The following CCSER1 variants were observed in gnomAD, a reference collection of about 807,000 sequenced individuals.
CCSER1 encodes serine-rich coiled-coil domain-containing protein 1.
In CCSER1, 41 loss-of-function variants were observed where a neutral mutation model predicts 82.0. The observed-to-expected ratio is 0.50, with a 90% CI of 0.39 to 0.65. The LOEUF is 0.65. Ranked by LOEUF, CCSER1 falls within the 30% of genes least tolerant of loss-of-function variation. CCSER1 has a pLI of 0.00. For synonymous variants in CCSER1, 414 were observed against 383.9 expected (o/e 1.08, Z -0.92); for missense variants, 1,119 against 1,064.2 (o/e 1.05, Z -0.72).
intron 5 of CCSER1, among the ~76,000 whole-genome samples, chr4:90,571,866 T>G (rs1780156214): frequency 2.0e-5 from 3 of 152,198 alleles, no homozygotes; most frequent in Non-Finnish European, 2.9e-5. Context: ...TAACTATTAT[T>G]TTTAATGGTT....
intron 10 of CCSER1, among the ~76,000 whole-genome samples, chr4:91,578,623 A>G (rs918754783): frequency 3.3e-5 from 5 of 151,990 alleles, no homozygotes; most frequent in African/African-American, 1.2e-4. Flanking sequence ...AAATGAGTCA[A>G]GTGAATGATA....
chr4:91,172,043 C>A (rs1387973711), intron 10 of CCSER1, among the ~76,000 whole-genome samples: 1 of 152,086 alleles, frequency 6.6e-6, no homozygotes, highest in East Asian at 1.9e-4. Flanking sequence ...CATTGCAAAG[C>A]ACCTTGCATT....
intron 10 of CCSER1, among the ~76,000 whole-genome samples, chr4:91,579,126 A>G (rs1763603443): frequency 6.6e-6 from 1 of 151,102 alleles, no homozygotes; most frequent in Admixed American, 6.6e-5. Context: ...TTATATTATT[A>G]TTATTATTAT....
chr4:90,763,869 C>T (rs945739142), intron 7 of CCSER1, among the ~76,000 whole-genome samples: 2 of 152,110 alleles, frequency 1.3e-5, no homozygotes, highest in Non-Finnish European at 2.9e-5. Flanking sequence ...GGAATTTTTC[C>T]TCATTTCCTG....
intron 9 of CCSER1, among the ~76,000 whole-genome samples, chr4:91,024,382 T>C (rs1740299962): frequency 6.6e-6 from 1 of 152,166 alleles, no homozygotes; most frequent in South Asian, 2.1e-4. Flanking sequence ...ATTTCTAGAA[T>C]TTGTTTGTAT....
At chr4:90,176,992 A>C (rs1732822954) in intron 1 of CCSER1, among the ~76,000 whole-genome samples, 1 of 152,080 alleles carries the variant, frequency 6.6e-6, no homozygotes, top group Non-Finnish European at 1.5e-5. Flanking sequence ...GAGGAATTGC[A>C]AAGTTGTATT....
At chr4:90,154,551 T>G (rs1188786767) in intron 1 of CCSER1, among the ~76,000 whole-genome samples, 1 of 149,788 alleles carries the variant, frequency 6.7e-6, no homozygotes, top group East Asian at 1.9e-4. Flanking sequence ...CTCTTTTATT[T>G]CCTTGAGCAG....
chr4:90,481,291 A>T (rs965535390), intron 5 of CCSER1, among the ~76,000 whole-genome samples: 8 of 152,190 alleles, frequency 5.3e-5, no homozygotes, highest in Admixed American at 2.0e-4. Flanking sequence ...GGGGTTTTCT[A>T]GATATACAAT....
chr4:90,460,142 C>T lies in CCSER1; in HGVS notation c.1604-8092C>T, dbSNP rs566489289. The stretch of plus-strand genomic sequence containing the variant: ...GAGATCGAGACCATCCTGGCTAACA[C>T]GGTGAAACCCCGTCTCTACTAAAAA... On this transcript the variant is annotated intron_variant, in intron 4 of 10. Coordinates refer to ENST00000509176, the MANE Select transcript of CCSER1 (RefSeq NM_001145065.2). Among the ~76,000 whole-genome samples the T allele has an allele frequency of 8.9e-5, 13 of 145,788 alleles. No homozygotes were observed. The South Asian group carries it at 1.3e-3, about 14-fold the overall frequency.
intron 1 of CCSER1, among the ~76,000 whole-genome samples, chr4:90,143,585 G>T (rs915029255): frequency 3.3e-5 from 5 of 150,926 alleles, no homozygotes; most frequent in Non-Finnish European, 7.4e-5. Flanking sequence ...TTTGTTGAAT[G>T]AATGGATTAT....
intron 6 of CCSER1, among the ~76,000 whole-genome samples, chr4:90,689,614 G>A (rs191646791): frequency 3.3e-5 from 5 of 152,164 alleles, no homozygotes; most frequent in South Asian, 2.1e-4. Context: ...AAGCAGTGGC[G>A]TAGATTGGAT....
At chr4:90,669,276 T>C (rs939726743) in intron 6 of CCSER1, among the ~76,000 whole-genome samples, 5 of 152,036 alleles carry the variant, frequency 3.3e-5, no homozygotes, top group Admixed American at 6.6e-5. Flanking sequence ...TCTCTTAAAA[T>C]AAAAACTTAT....
chr4:91,242,364 T>A (rs1739440703), intron 10 of CCSER1, among the ~76,000 whole-genome samples: 1 of 152,196 alleles, frequency 6.6e-6, no homozygotes, highest in Admixed American at 6.5e-5. Context: ...TTTATTTTCA[T>A]TATTGTAGAA....
chr4:90,405,731 T>G (rs1262964672), intron 4 of CCSER1, among the ~76,000 whole-genome samples: 1 of 152,086 alleles, frequency 6.6e-6, no homozygotes, highest in East Asian at 1.9e-4. Context: ...AAAACAATTA[T>G]CAGACAAGAA....
intron 4 of CCSER1, among the ~76,000 whole-genome samples, chr4:90,412,548 A>G (rs1361791242): frequency 1.3e-5 from 2 of 151,466 alleles, no homozygotes; most frequent in Non-Finnish European, 2.9e-5. Flanking sequence ...AACCAAAAAG[A>G]TAATCCATGA....
chr4:90,315,559 C>G (rs1736023773), intron 3 of CCSER1, among the ~76,000 whole-genome samples: 1 of 152,036 alleles, frequency 6.6e-6, no homozygotes, highest in Non-Finnish European at 1.5e-5. Flanking sequence ...GGCTGGAGTG[C>G]AGTGGTGCAG....
intron 10 of CCSER1, among the ~76,000 whole-genome samples, chr4:91,488,314 G>A (rs1412387497): frequency 6.6e-6 from 1 of 151,970 alleles, no homozygotes; most frequent in Non-Finnish European, 1.5e-5. Context: ...AATTATTCAT[G>A]GATCCCTAAA....
chr4:90,628,096 A>C lies in CCSER1; in HGVS notation c.1796A>C (p.Asn599Thr), dbSNP rs1723662324. 1 of 1,613,730 alleles carries C rather than the reference A, an allele frequency of 6.2e-7. No individual in the cohort carries two copies. Among genetic ancestry groups the C allele is most frequent in the Non-Finnish European group, 8.5e-7 (1 of 1,179,718 alleles). The change falls in exon 6 of 11, where the codon AAC becomes ACC. Residue 599 changes from asparagine (N) to threonine (T), a missense_variant. Coordinates refer to ENST00000509176, the MANE Select transcript of CCSER1 (RefSeq NM_001145065.2). ...TGTTCCCACATCAGCCGAATGCCCA[A>C]CAGTCCATCTGCGGATTGGCCTCTA... Reference protein sequence around the residue: ...ARCSHISRMPNSPSADWPLQG... With the variant: ...ARCSHISRMPTSPSADWPLQG...
chr4:90,925,961 C>G (rs1483561399), intron 9 of CCSER1, among the ~76,000 whole-genome samples: 1 of 151,876 alleles, frequency 6.6e-6, no homozygotes, highest in Non-Finnish European at 1.5e-5. Context: ...ATGTGAAAAA[C>G]TGGGGATGGA....
Sources: allele counts gnomAD v4.1 joint callset (sites outside exome capture counted in the v4.1 genomes callset), GRCh38; gene constraint gnomAD v4.1.1; transcripts MANE v1.5; gene names NCBI Gene and HGNC (gene_info 2026-07-23, HGNC 2026-07-21).